The following TTC27 variants were observed in gnomAD, a reference collection of about 807,000 sequenced individuals.
TTC27 encodes the protein tetratricopeptide repeat domain 27.
In TTC27, 79 loss-of-function variants were observed where a neutral mutation model predicts 115.9. The observed-to-expected ratio is 0.68, with a 90% CI of 0.57 to 0.82. The LOEUF (loss-of-function observed/expected upper bound fraction) is 0.82. Ranked by LOEUF, TTC27 falls within the 40% of genes least tolerant of loss-of-function variation. The probability of loss-of-function intolerance (pLI) is 0.00; values close to 1 mark genes in which losing one functional copy is unlikely to be tolerated. For missense variants in TTC27, 1,054 were observed against 993.1 expected (o/e 1.06, Z -0.82); for synonymous variants, 401 against 356.0 (o/e 1.13, Z -1.42).
At chr2:32,628,655 A>G (rs1398200204) in intron 1 of TTC27, among the ~76,000 whole-genome samples, 1 of 152,218 alleles carries the variant, frequency 6.6e-6, no homozygotes, top group East Asian at 1.9e-4. Flanking sequence ...TGCTTATAGT[A>G]GATACTTAAG....
rs150000530 is a variant in TTC27 at position 32,628,398 on chromosome 2, C to A, written c.88+18C>A. On this transcript the variant is annotated intron_variant, in intron 1 of 19. Transcript: ENST00000317907. ...CGGTTCAGGTGAGAGGCGCACCTAC[C>A]GGGCCTTAGGCTATCGTGGGAACTG... is the stretch of plus-strand genomic sequence containing the variant. 6.4e-7 allele frequency: 1 copy of A among 1,567,842 alleles called. No individual in the cohort carries two copies.
rs61632458 is a variant in TTC27 at position 32,685,759 on chromosome 2, A to T, written c.1119+6837A>T. The stretch of plus-strand genomic sequence containing the variant: ...TTAAGTGCATCTAGCTAAAATCATT[A>T]TTGGTGAAAAGTAGTCTTTCCCCCT... On this transcript the variant is annotated intron_variant, in intron 9 of 19. Coordinates refer to ENST00000317907, the MANE Select transcript of TTC27 (RefSeq NM_017735.5). Among the ~76,000 whole-genome samples, 1,345 of 152,340 alleles carry T rather than the reference A, an allele frequency of 8.8e-3. 13 individuals carry two copies. Among genetic ancestry groups the T allele is most frequent in the African/African-American group, 0.031 (1,277 of 41,580 alleles).
At chr2:32,754,249 G>A (rs1224255511) in intron 12 of TTC27, among the ~76,000 whole-genome samples, 1 of 151,180 alleles carries the variant, frequency 6.6e-6, no homozygotes, top group African/African-American at 2.4e-5. Context: ...AGATAAACAA[G>A]TGAACAAAGG....
chr2:32,735,125 A>C (rs1668409063), intron 11 of TTC27, among the ~76,000 whole-genome samples: 1 of 152,176 alleles, frequency 6.6e-6, no homozygotes, highest in South Asian at 2.1e-4. Context: ...CCATTATAAG[A>C]CTTCTTAAAG....
chr2:32,710,698 G>A (rs923357569), intron 10 of TTC27, among the ~76,000 whole-genome samples: 1 of 151,666 alleles, frequency 6.6e-6, no homozygotes, highest in Non-Finnish European at 1.5e-5. Flanking sequence ...CAAAGTGCTG[G>A]GATTACAGAC....
intron 13 of TTC27, among the ~76,000 whole-genome samples, chr2:32,774,458 G>A (rs113270360): frequency 2.2e-3 from 340 of 152,124 alleles, no homozygotes; most frequent in Non-Finnish European, 4.2e-3. Context: ...TACAGGCATG[G>A]ACCACCTTCC....
intron 13 of TTC27, among the ~76,000 whole-genome samples, chr2:32,768,791 A>T (rs904188906): frequency 2.6e-5 from 4 of 152,214 alleles, no homozygotes; most frequent in Non-Finnish European, 4.4e-5. Context: ...TCTGGGACTT[A>T]CACATTGGGC....
chr2:32,682,844 G>GTTTTTTTTTTTTTTTTT lies in TTC27; in HGVS notation c.1119+3924_1119+3925insTTTTTTTTTTTTTTTTT, dbSNP rs142030247. Among the ~76,000 whole-genome samples the GTTTTTTTTTTTTTTTTT allele has an allele frequency of 5.3e-4, 30 of 56,978 alleles. 9 individuals are homozygous for GTTTTTTTTTTTTTTTTT. The highest frequency in any genetic ancestry group is 9.8e-4 in the African/African-American group (13 of 13,300). The allele number at this position is 56,978 out of a possible 152,430, so 37.4% of individuals were successfully genotyped here. On this transcript the variant is annotated intron_variant, in intron 9 of 19. Coordinates refer to ENST00000317907, the MANE Select transcript of TTC27 (RefSeq NM_017735.5). ...CCACCACACCCGGATAATTTTTATT[G>GTTTTTTTTTTTTTTTTT]TTGTTTTTTTTTTTTTTTTTTTTTT...
intron 4 of TTC27, among the ~76,000 whole-genome samples, chr2:32,646,777 A>C (rs1378798608): frequency 1.3e-5 from 2 of 151,240 alleles, no homozygotes; most frequent in Non-Finnish European, 2.9e-5. Flanking sequence ...GTTGGCCAGG[A>C]AGGTCTTGAT....
At chr2:32,636,477 G>A (rs1418138058) in intron 3 of TTC27, among the ~76,000 whole-genome samples, 1 of 152,180 alleles carries the variant, frequency 6.6e-6, no homozygotes, top group African/African-American at 2.4e-5. Flanking sequence ...GCCTCCCAAA[G>A]TGTTAGGATT....
chr2:32,632,058 AC>A (rs1194386083), intron 2 of TTC27, among the ~76,000 whole-genome samples: 6 of 150,608 alleles, frequency 4.0e-5, no homozygotes, highest in Non-Finnish European at 7.4e-5. Context: ...TGATCTGCCC[AC>A]CTCGGCCTCC....
At chr2:32,675,581 G>T (rs550729891) in intron 8 of TTC27, among the ~76,000 whole-genome samples, 2 of 152,282 alleles carry the variant, frequency 1.3e-5, no homozygotes, top group South Asian at 4.1e-4. Flanking sequence ...TAGTGCATCT[G>T]ATGCAGTTTA....
Position 32,815,673 on chromosome 2 carries a change from TA to T in TTC27, c.2309-1778del, listed in dbSNP as rs796826396. Among the ~76,000 whole-genome samples the T allele has an allele frequency of 8.7e-4, 132 of 152,224 alleles. 1 individual carries two copies. Among genetic ancestry groups the T allele is most frequent in the African/African-American group, 3.0e-3 (126 of 41,556 alleles). On this transcript the variant is annotated intron_variant, in intron 18 of 19. Transcript: ENST00000317907. ...TTTTGTCAGAATGAAAATAAGGGAT[TA>T]AAAAAGAAATACAGCAGTTTCTGAT...
At chr2:32,762,205 A>G (rs1572588559) in intron 13 of TTC27, among the ~76,000 whole-genome samples, 1 of 152,172 alleles carries the variant, frequency 6.6e-6, no homozygotes, top group Non-Finnish European at 1.5e-5. Context: ...AGAATAGGCA[A>G]AGGAAGTGCA....
intron 16 of TTC27, among the ~76,000 whole-genome samples, chr2:32,796,500 A>C (rs1670707465): frequency 6.6e-6 from 1 of 152,230 alleles, no homozygotes; most frequent in African/African-American, 2.4e-5. Flanking sequence ...AAAGATTATA[A>C]GAGAATATTG....
At chr2:32,723,712 C>CCTTCCTTCCT (rs1668004317) in intron 10 of TTC27, among the ~76,000 whole-genome samples, 1 of 61,824 alleles carries the variant, frequency 1.6e-5, no homozygotes, top group Non-Finnish European at 3.3e-5. Flanking sequence ...CCCTCCCTCC[C>CCTTCCTTCCT]TCCCTCCCTC....
rs1237114499 is a variant in TTC27 at position 32,681,992 on chromosome 2, G to A, written c.1119+3070G>A. Reference sequence around the variant, plus strand: ...TATATGTATATATATGTGTGTGTGTGTGTGTGTGTGTGTGTGTGTGTGTGT... The same window carrying A: ...TATATGTATATATATGTGTGTGTGTATGTGTGTGTGTGTGTGTGTGTGTGT... On this transcript the variant is annotated intron_variant, in intron 9 of 19. Coordinates refer to ENST00000317907, the MANE Select transcript of TTC27 (RefSeq NM_017735.5). Among the ~76,000 whole-genome samples, 317 of 89,750 alleles carry A rather than the reference G, an allele frequency of 3.5e-3. 2 individuals carry two copies. Among genetic ancestry groups the A allele is most frequent in the African/African-American group, 0.017 (298 of 17,608 alleles). The allele number at this position is 89,750 out of a possible 152,430, so 58.9% of individuals were successfully genotyped here.
intron 12 of TTC27, among the ~76,000 whole-genome samples, chr2:32,740,554 T>G (rs1056586878): frequency 6.6e-6 from 1 of 151,768 alleles, no homozygotes; most frequent in African/African-American, 2.4e-5. Context: ...TAAAGACAAA[T>G]CTGCCATTCT....
chr2:32,730,762 C>T (rs927055946), intron 10 of TTC27, among the ~76,000 whole-genome samples: 8 of 151,794 alleles, frequency 5.3e-5, no homozygotes, highest in Admixed American at 4.6e-4. Flanking sequence ...GCTGGGATTA[C>T]AGGCCTGCGC....
Sources: allele counts gnomAD v4.1 joint callset (sites outside exome capture counted in the v4.1 genomes callset), GRCh38; gene constraint gnomAD v4.1.1; transcripts MANE v1.5; gene names NCBI Gene and HGNC (gene_info 2026-07-23, HGNC 2026-07-21).